Variants in PDGFC observed in about 807,000 individuals in gnomAD.
PDGFC encodes platelet derived growth factor C.
In PDGFC, 12 loss-of-function variants were observed where a neutral mutation model predicts 35.5. The observed-to-expected ratio is 0.34, with a 90% CI of 0.22 to 0.55. PDGFC has a LOEUF of 0.55. Ranked by LOEUF, PDGFC falls within the 20% of genes least tolerant of loss-of-function variation. PDGFC has a pLI of 0.91. For synonymous variants in PDGFC, 159 were observed against 148.8 expected, an observed-to-expected ratio of 1.07 and a Z score of -0.50; for missense variants, 322 against 412.4, an observed-to-expected ratio of 0.78 and a Z score of 1.90.
intron 3 of PDGFC, among the ~76,000 whole-genome samples, chr4:156,796,303 T>G (rs191570642): frequency 1.3e-5 from 2 of 152,162 alleles, no homozygotes; most frequent in Admixed American, 1.3e-4. Context: ...TGATATCTTT[T>G]TATATAATAT....
At chr4:156,785,455 C>G (rs921766465) in intron 3 of PDGFC, among the ~76,000 whole-genome samples, 9 of 152,308 alleles carry the variant, frequency 5.9e-5, no homozygotes, top group African/African-American at 2.2e-4. Flanking sequence ...CTCAGGTGAT[C>G]TGCCAGCCTC....
chr4:156,902,533 T>C (rs750718855), intron 1 of PDGFC, among the ~76,000 whole-genome samples: 1 of 152,052 alleles, frequency 6.6e-6, no homozygotes, highest in Non-Finnish European at 1.5e-5. Flanking sequence ...TGTTTCCACA[T>C]GTTACATAAA....
Position 156,830,445 on chromosome 4 carries a change from T to C in PDGFC, c.315-19428A>G, listed in dbSNP as rs564883016. Among the ~76,000 whole-genome samples, 5 of 152,258 alleles carry C rather than the reference T, an allele frequency of 3.3e-5. No homozygotes were observed. In the East Asian group the frequency reaches 9.7e-4, roughly 29 times the overall value. ...GTTCAGAGATCTGATGAAACACAAC[T>C]TTCCATTCTCCATGTGGACCTACAG... On this transcript the variant is annotated intron_variant, in intron 2 of 5. Transcript: ENST00000502773.
At chr4:156,866,966 T>A (rs902355488) in intron 1 of PDGFC, among the ~76,000 whole-genome samples, 2 of 152,106 alleles carry the variant, frequency 1.3e-5, no homozygotes, top group African/African-American at 4.8e-5. Flanking sequence ...TGCTACTGAG[T>A]GTTGTAAGTG....
chr4:156,860,361 C>T (rs563410175), intron 1 of PDGFC, among the ~76,000 whole-genome samples: 43 of 152,002 alleles, frequency 2.8e-4, no homozygotes, highest in Non-Finnish European at 5.0e-4. Flanking sequence ...GCAAATGGAC[C>T]GGCTGCATTC....
rs546340577 is a variant in PDGFC at position 156,781,731 on chromosome 4, T to C, written c.496-8838A>G. 2.0e-5 allele frequency among the ~76,000 whole-genome samples: 3 copies of C among 152,230 alleles called. No homozygotes were observed. The East Asian group carries it at 5.8e-4, about 30-fold the overall frequency. On this transcript the variant is annotated intron_variant, in intron 3 of 5. Transcript: ENST00000502773. ...AAATGGGGCGTTTGTCAAAATTACA[T>C]GGTGAACACCTCATTTATGTGTGTG... is the stretch of plus-strand genomic sequence containing the variant.
chr4:156,893,570 C>T lies in PDGFC; in HGVS notation c.119-43154G>A, dbSNP rs532382442. 1.8e-4 allele frequency among the ~76,000 whole-genome samples: 27 copies of T among 151,798 alleles called. No homozygotes were observed. In the South Asian group the frequency reaches 5.2e-3, roughly 29 times the overall value. On this transcript the variant is annotated intron_variant, in intron 1 of 5. Transcript: ENST00000502773. ...CAGGACGGTCATGAACTCCTGGCCT[C>T]GAGTGATCCTCCTACCTTGGCCTCC...
intron 2 of PDGFC, among the ~76,000 whole-genome samples, chr4:156,821,710 G>C (rs6842399): frequency 0.059 from 9,012 of 152,054 alleles, 878 homozygotes; most frequent in African/African-American, 0.2. Flanking sequence ...ACCATGGCCT[G>C]GCTAATTTTT....
At chr4:156,791,594 C>T (rs1164108581) in intron 3 of PDGFC, among the ~76,000 whole-genome samples, 1 of 151,814 alleles carries the variant, frequency 6.6e-6, no homozygotes, top group Non-Finnish European at 1.5e-5. Flanking sequence ...TTTCAAAGAA[C>T]TGATTCACAC....
At chr4:156,925,616 A>T (rs544408882) in intron 1 of PDGFC, among the ~76,000 whole-genome samples, 1 of 152,218 alleles carries the variant, frequency 6.6e-6, no homozygotes, top group South Asian at 2.1e-4. Context: ...CAGATAGATA[A>T]TTATACAGGT....
chr4:156,775,644 A>C (rs1730808844), intron 3 of PDGFC, among the ~76,000 whole-genome samples: 2 of 152,172 alleles, frequency 1.3e-5, no homozygotes. Context: ...TATTAACACA[A>C]AAGAAGGCAA....
At position 156,763,156 on chromosome 4, in the gene PDGFC, G is replaced by A. The variant is rs771377362; in HGVS notation, c.972C>T (p.Leu324=). 14 of 1,613,246 alleles carry A rather than the reference G, an allele frequency of 8.7e-6. No individual in the cohort carries two copies. The South Asian group carries it at 1.4e-4, about 16-fold the overall frequency. Residue 324 remains leucine, a synonymous_variant, in exon 6 of 6, where the codon CTC becomes CTT. Coordinates refer to ENST00000502773, the MANE Select transcript of PDGFC (RefSeq NM_016205.3). ...KTGVRGLHKS[L]TDVALEHHEE... ...CATGGTGCTCCAGGGCCACGTCGGT[G>A]AGTGATTTGTGCAATCCCCTGACAC...
chr4:156,861,288 A>G lies in PDGFC; in HGVS notation c.119-10872T>C, dbSNP rs184987615. ...ACACTTGCTCATGTTGAAGAATCAG[A>G]TAAGAGTATTGTACTACCTAAACAA... is the stretch of plus-strand genomic sequence containing the variant. On this transcript the variant is annotated intron_variant, in intron 1 of 5. Coordinates refer to ENST00000502773, the MANE Select transcript of PDGFC (RefSeq NM_016205.3). 32 of 270,898 alleles carry G rather than the reference A, an allele frequency of 1.2e-4. 1 individual carries two copies. The highest frequency in any genetic ancestry group is 1.0e-3 in the Admixed American group (22 of 21,876). 16.8% of individuals were successfully genotyped at this position (270,898 alleles called of 1,614,324 possible).
At chr4:156,824,319 T>TAC (rs61303991) in intron 2 of PDGFC, among the ~76,000 whole-genome samples, 3 of 95,026 alleles carry the variant, frequency 3.2e-5, no homozygotes, top group East Asian at 2.6e-4. Context: ...TATATATATA[T>TAC]ATATATATAC....
intron 2 of PDGFC, among the ~76,000 whole-genome samples, chr4:156,825,584 T>TAAGAAGAAGAAGAAG (rs1371864016): frequency 1.9e-3 from 170 of 90,166 alleles, no homozygotes; most frequent in African/African-American, 2.9e-3. Flanking sequence ...ATAATAATAA[T>TAAGAAGAAGAAGAAG]AATAATAATA....
intron 2 of PDGFC, among the ~76,000 whole-genome samples, chr4:156,822,072 T>C (rs1457845121): frequency 6.6e-6 from 1 of 152,118 alleles, no homozygotes; most frequent in East Asian, 1.9e-4. Context: ...GATAAAAATG[T>C]CTTTCATAGT....
At chr4:156,830,228 C>A (rs1728894118) in intron 2 of PDGFC, among the ~76,000 whole-genome samples, 1 of 150,998 alleles carries the variant, frequency 6.6e-6, no homozygotes, top group Admixed American at 6.6e-5. Context: ...AAAATAAGCT[C>A]TTTGAAGACA....
At chr4:156,852,189 T>C (rs1373071001) in intron 1 of PDGFC, among the ~76,000 whole-genome samples, 1 of 152,080 alleles carries the variant, frequency 6.6e-6, no homozygotes, top group Non-Finnish European at 1.5e-5. Context: ...CAATGCCTCA[T>C]TGGTATTCAT....
chr4:156,917,883 C>T (rs977097796), intron 1 of PDGFC, among the ~76,000 whole-genome samples: 11 of 152,140 alleles, frequency 7.2e-5, no homozygotes, highest in African/African-American at 1.7e-4. Context: ...ATACTCTAAA[C>T]CACTTATCTG....
Sources: gnomAD v4.1 joint callset for allele counts (sites outside exome capture counted in the v4.1 genomes callset) on GRCh38, gnomAD v4.1.1 for gene constraint, MANE v1.5 for transcripts, NCBI Gene and HGNC (gene_info 2026-07-23, HGNC 2026-07-21) for gene names.